Variants in TASP1 observed in about 807,000 individuals in gnomAD.
The protein encoded by TASP1 is taspase 1, also known as threonine aspartase 1.
In TASP1, 16 loss-of-function variants were observed where a neutral mutation model predicts 56.6. The observed-to-expected ratio is 0.28, with a 90% confidence interval of 0.19 to 0.43. The LOEUF (loss-of-function observed/expected upper bound fraction) is 0.43. Among genes scored for constraint, TASP1 ranks in the 20% least tolerant of loss-of-function variants. TASP1 has a pLI of 1.00. For synonymous variants in TASP1, 179 were observed against 184.2 expected, an observed-to-expected ratio of 0.97 and a Z score of 0.23; for missense variants, 393 against 511.6, an observed-to-expected ratio of 0.77 and a Z score of 2.24.
At chr20:13,378,573 AT>A in the TASP1 span, among the ~76,000 whole-genome samples, 1 of 152,108 alleles carries the variant, frequency 6.6e-6, no homozygotes, top group South Asian at 2.1e-4. Flanking sequence ...GGAGAGTTCT[AT>A]AAATGTCTAT....
the TASP1 span, among the ~76,000 whole-genome samples, chr20:13,310,640 G>C: frequency 6.6e-6 from 1 of 152,132 alleles, no homozygotes; most frequent in Non-Finnish European, 1.5e-5. Flanking sequence ...GAAAAATTAT[G>C]GGCTGAGAGA....
chr20:13,530,451 C>G (rs1290809278), intron 9 of TASP1, among the ~76,000 whole-genome samples: 1 of 152,156 alleles, frequency 6.6e-6, no homozygotes. Context: ...TGTGGGATAA[C>G]TATTCAACTG....
At chr20:13,240,683 T>G in the TASP1 span, among the ~76,000 whole-genome samples, 38,325 of 151,998 alleles carry the variant, frequency 0.25, 4,926 homozygotes, top group African/African-American at 0.31. Flanking sequence ...GATCAGTGGA[T>G]AATGAGAGGG....
the TASP1 span, among the ~76,000 whole-genome samples, chr20:13,153,782 G>A: frequency 6.6e-5 from 10 of 152,060 alleles, no homozygotes; most frequent in Admixed American, 3.3e-4. Flanking sequence ...GCAGCACCTC[G>A]TAGAACCCTC....
At chr20:13,558,024 G>A (rs781200358) in intron 8 of TASP1, among the ~76,000 whole-genome samples, 7 of 151,554 alleles carry the variant, frequency 4.6e-5, no homozygotes, top group South Asian at 2.1e-4. Flanking sequence ...ATCCTTTGCC[G>A]GCAGAAAATT....
intron 10 of TASP1, among the ~76,000 whole-genome samples, chr20:13,499,476 AG>A (rs1197755086): frequency 6.8e-4 from 102 of 150,534 alleles, no homozygotes; most frequent in African/African-American, 2.2e-3. Flanking sequence ...AAAAAAAAAA[AG>A]AAAGAAAGAG....
chr20:13,511,257 G>A (rs1176254687), intron 10 of TASP1, among the ~76,000 whole-genome samples: 1 of 151,490 alleles, frequency 6.6e-6, no homozygotes, highest in Non-Finnish European at 1.5e-5. Flanking sequence ...TGGCAATGCA[G>A]TAGCCACTGG....
At chr20:13,619,004 AG>A (rs1424094695) in intron 4 of TASP1, among the ~76,000 whole-genome samples, 9 of 151,906 alleles carry the variant, frequency 5.9e-5, no homozygotes. Flanking sequence ...CCTCCCAACT[AG>A]CTGGGATTAC....
At chr20:13,225,802 T>G in the TASP1 span, among the ~76,000 whole-genome samples, 3 of 152,186 alleles carry the variant, frequency 2.0e-5, no homozygotes, top group Non-Finnish European at 4.4e-5. Context: ...AATAAGTTTG[T>G]CTCATATTAA....
the TASP1 span, among the ~76,000 whole-genome samples, chr20:13,179,682 A>G: frequency 6.6e-6 from 1 of 152,114 alleles, no homozygotes; most frequent in Non-Finnish European, 1.5e-5. Flanking sequence ...ATGCAGAGTG[A>G]ACCTGGATCT....
intron 12 of TASP1, among the ~76,000 whole-genome samples, chr20:13,429,778 T>C (rs1488582384): frequency 6.6e-6 from 1 of 152,228 alleles, no homozygotes; most frequent in East Asian, 1.9e-4. Flanking sequence ...AGACGTATAG[T>C]AAACTAATTA....
intron 11 of TASP1, among the ~76,000 whole-genome samples, chr20:13,455,626 C>T (rs530608798): frequency 3.3e-5 from 5 of 152,010 alleles, no homozygotes; most frequent in Admixed American, 6.6e-5. Flanking sequence ...TAAGAAGAGA[C>T]GAGACAATGT....
chr20:13,404,882 T>TA (rs2041861054), intron 13 of TASP1, among the ~76,000 whole-genome samples: 1 of 152,192 alleles, frequency 6.6e-6, no homozygotes, highest in African/African-American at 2.4e-5. Flanking sequence ...TTGTTACACA[T>TA]AAAAAATATT....
At chr20:13,462,128 A>G (rs1322583923) in intron 11 of TASP1, among the ~76,000 whole-genome samples, 1 of 152,180 alleles carries the variant, frequency 6.6e-6, no homozygotes, top group African/African-American at 2.4e-5. Flanking sequence ...TGGTTAATCC[A>G]TGATATGTGG....
intron 12 of TASP1, among the ~76,000 whole-genome samples, chr20:13,429,476 A>T (rs80122551): frequency 0.028 from 4,217 of 149,048 alleles, 196 homozygotes; most frequent in African/African-American, 0.095. Flanking sequence ...TTTGTCAATT[A>T]TTTTTTTTTT....
intron 10 of TASP1, among the ~76,000 whole-genome samples, chr20:13,523,157 G>A (rs1184159803): frequency 1.3e-5 from 2 of 152,120 alleles, no homozygotes; most frequent in Non-Finnish European, 2.9e-5. Flanking sequence ...GTTTCACCTT[G>A]AAGGGTTGCT....
chr20:13,243,622 A>G, the TASP1 span, among the ~76,000 whole-genome samples: 1 of 142,624 alleles, frequency 7.0e-6, no homozygotes, highest in Admixed American at 7.0e-5. Context: ...ACTGCCATGC[A>G]TCCCCTCACT....
chr20:13,276,859 T>G, the TASP1 span, among the ~76,000 whole-genome samples: 1 of 152,248 alleles, frequency 6.6e-6, no homozygotes, highest in Non-Finnish European at 1.5e-5. Flanking sequence ...TGGATGCCTA[T>G]GAAACCTCAG....
the TASP1 span, among the ~76,000 whole-genome samples, chr20:13,148,835 G>A: frequency 6.6e-6 from 1 of 152,306 alleles, no homozygotes; most frequent in East Asian, 1.9e-4. Context: ...CTGTGAGGTG[G>A]CACTGAGGCT....
Sources: allele counts gnomAD v4.1 joint callset (sites outside exome capture counted in the v4.1 genomes callset), GRCh38; gene constraint gnomAD v4.1.1; transcripts MANE v1.5; gene names NCBI Gene and HGNC (gene_info 2026-07-23, HGNC 2026-07-21).